The following PMM1 variants were observed in gnomAD, a reference collection of about 807,000 sequenced individuals.
PMM1 encodes phosphomannomutase 1, also known as brain glucose-1,6-bisphosphatase.
Under a neutral mutation model 34.0 loss-of-function variants are expected in PMM1, and 25 were observed. The ratio of observed to expected loss-of-function variants is 0.73; its 90% CI spans 0.54 to 1.03. The LOEUF is 1.03. PMM1 is among the 50% of genes least tolerant of loss of function. The pLI is 0.00. For synonymous variants in PMM1, 134 were observed against 143.9 expected (o/e 0.93, Z 0.49); for missense variants, 321 against 350.1 (o/e 0.92, Z 0.66).
chr22:41,581,711 C>T (rs58495840), intron 5 of PMM1, among the ~76,000 whole-genome samples: 2,455 of 151,998 alleles, frequency 0.016, 67 homozygotes, highest in African/African-American at 0.055. Context: ...AATATTAGGC[C>T]GGGCACAGTG....
In PMM1 at chr22:41,577,331, G is replaced by A. The variant is rs1228389297; in HGVS notation, c.776C>T (p.Ala259Val). 6.2e-7 allele frequency: 1 copy of A among 1,613,040 alleles called. No individual in the cohort carries two copies. Among genetic ancestry groups the A allele is most frequent in the South Asian group, 1.1e-5 (1 of 91,088 alleles). The change falls in exon 8 of 8, where the codon GCT becomes GTT. Residue 259 changes from alanine to valine, a missense_variant. Coordinates refer to ENST00000216259, the MANE Select transcript of PMM1 (RefSeq NM_002676.3). ...RCREIFFPET[A>V]HEA ...TGTGGGCCCCGGTCACGCCTCATGA[G>A]CTGTCTCTGGGAAGAAAATCTCCCG...
At chr22:41,588,975 A>T (rs1226991644) in intron 1 of PMM1, 28 of 1,120,700 alleles carry the variant, frequency 2.5e-5, no homozygotes, top group Non-Finnish European at 2.7e-5. Flanking sequence ...TCACAATGAG[A>T]CCCAATGGGA....
In PMM1 at chr22:41,584,532, T is replaced by C; in HGVS notation, c.277A>G (p.Lys93Glu). ...AAGCCCTGGGGGACACTGACCTGCT[T>C]GGAGAGCAGTCGTCCGTGCTTATAC... Reference protein sequence around the residue: ...VQYKHGRLLSKQTIQNHLGEE... With the variant: ...VQYKHGRLLSEQTIQNHLGEE... Residue 93 changes from lysine to glutamate, a missense_variant, in exon 3 of 8, where the codon AAG becomes GAG. By Grantham distance (56) the Lys-to-Glu change is moderately conservative (BLOSUM62 1). Transcript: ENST00000216259. 2 of 1,613,196 alleles carry C rather than the reference T, an allele frequency of 1.2e-6. No homozygotes were observed. The highest frequency in any genetic ancestry group is 1.7e-4 in the Middle Eastern group (1 of 6,048).
chr22:41,584,567 C>G lies in PMM1; in HGVS notation c.242G>C (p.Gly81Ala). The G allele has an allele frequency of 6.2e-7, 1 of 1,613,980 alleles. No homozygotes were observed. Among genetic ancestry groups the G allele is most frequent in the Non-Finnish European group, 8.5e-7 (1 of 1,179,964 alleles). The stretch of plus-strand genomic sequence containing the variant: ...TCGTCCGTGCTTATACTGCACCGTC[C>G]CGTTCTCGGCAAACACATAATCAAA... ...EKFDYVFAEN[G>A]TVQYKHGRLL... The change falls in exon 3 of 8, where the codon GGG becomes GCG. Residue 81 changes from glycine to alanine, a missense_variant. Transcript: ENST00000216259.
chr22:41,583,826 C>T (rs944332806), intron 5 of PMM1, 133 bp downstream of exon 5: 11 of 671,522 alleles, frequency 1.6e-5, no homozygotes, highest in Non-Finnish European at 2.7e-5. Context: ...CAATGGCACA[C>T]AGTAGGTGCC....
intron 1 of PMM1, among the ~76,000 whole-genome samples, chr22:41,588,170 C>T (rs1415288148): frequency 6.6e-6 from 1 of 152,210 alleles, no homozygotes; most frequent in Non-Finnish European, 1.5e-5. Flanking sequence ...CCTGCCTCTG[C>T]CTCCCCAGTA....
At position 41,582,969 on chromosome 22, in the gene PMM1, A is replaced by G. The variant is rs2067262925; in HGVS notation, c.474+990T>C. Among the ~76,000 whole-genome samples the G allele has an allele frequency of 2.6e-5, 4 of 152,168 alleles. No homozygotes were observed. In the South Asian group the frequency reaches 8.3e-4, roughly 32 times the overall value. ...CATCAAGGTTTAGCAGGGGCAGTAC[A>G]GGCAGAGGTGAGAGGACCTTGGTGT... On this transcript the variant is annotated intron_variant, in intron 5 of 7. Transcript: ENST00000216259.
intron 5 of PMM1, 190 bp from the exon 6 acceptor site, chr22:41,579,071 C>T: frequency 1.8e-6 from 1 of 569,632 alleles, no homozygotes; most frequent in Non-Finnish European, 3.2e-6. Context: ...GTGGCAGAGC[C>T]AGGGCCTAAA....
In PMM1 at chr22:41,589,837, G is replaced by C. The variant is rs1319876127; in HGVS notation, c.-32C>G. On this transcript the variant is annotated 5_prime_UTR_variant, in exon 1 of 8. Transcript: ENST00000216259. Reference sequence around the variant, plus strand: ...AGGTCCGCGCGCGGGGCGGAGTCCCGAAGATGCAACGGCAGAAGCAGCTCA... The same window carrying C: ...AGGTCCGCGCGCGGGGCGGAGTCCCCAAGATGCAACGGCAGAAGCAGCTCA... 1 of 1,525,070 alleles carries C rather than the reference G, an allele frequency of 6.6e-7. No individual in the cohort carries two copies. Among genetic ancestry groups the C allele is most frequent in the Non-Finnish European group, 8.9e-7 (1 of 1,123,102 alleles). 94.5% of individuals were successfully genotyped at this position (1,525,070 alleles called of 1,614,324 possible).
At chr22:41,580,509 C>A (rs1258180895) in intron 5 of PMM1, 1 of 152,164 alleles carries the variant, frequency 6.6e-6, no homozygotes, top group East Asian at 1.9e-4. Context: ...ACTGCTATTA[C>A]CCCCACCTTA....
chr22:41,577,344 A>G lies in PMM1; in HGVS notation c.763T>C (p.Phe255Leu). ...CACGCCTCATGAGCTGTCTCTGGGA[A>G]GAAAATCTCCCGGCATCGCTGCACC... ...DTVQRCREIF[F>L]PETAHEA The change falls in exon 8 of 8, where the codon TTC becomes CTC. Residue 255 changes from phenylalanine (F) to leucine (L), a missense_variant. Transcript: ENST00000216259. The G allele has an allele frequency of 6.2e-7, 1 of 1,613,094 alleles. No individual in the cohort carries two copies. Among genetic ancestry groups the G allele is most frequent in the Non-Finnish European group, 8.5e-7 (1 of 1,180,034 alleles).
At chr22:41,582,373 C>T (rs1349523392) in intron 5 of PMM1, among the ~76,000 whole-genome samples, 3 of 152,020 alleles carry the variant, frequency 2.0e-5, no homozygotes, top group Non-Finnish European at 2.9e-5. Flanking sequence ...GTGTGAGGAT[C>T]GCTTGAGCCT....
chr22:41,588,728 G>T, intron 1 of PMM1: 1 of 985,458 alleles, frequency 1.0e-6, no homozygotes, highest in African/African-American at 1.7e-5. Context: ...CCCAAGCCAG[G>T]GCAACTTCAC....
At chr22:41,578,695 G>C (rs1569052776) in intron 6 of PMM1, 111 bp downstream of exon 6, 2 of 831,834 alleles carry the variant, frequency 2.4e-6, no homozygotes, top group East Asian at 5.1e-5. Flanking sequence ...CCCTGAGCCG[G>C]GGAGGGGCTA....
intron 7 of PMM1, 154 bp from the exon 8 acceptor site, chr22:41,577,594 G>A (rs2067188484): frequency 4.3e-6 from 4 of 938,370 alleles, no homozygotes; most frequent in Non-Finnish European, 4.8e-6. Flanking sequence ...GCTGTGTGAT[G>A]TAGAACAAGT....
chr22:41,584,666 G>A (rs1208715473), intron 2 of PMM1, 63 bp from the exon 3 acceptor site: 37 of 1,232,980 alleles, frequency 3.0e-5, no homozygotes, highest in Non-Finnish European at 4.2e-5. Flanking sequence ...TGACCCCACG[G>A]GCAAGTAAAG....
At chr22:41,586,976 A>C (rs2067315558) in intron 1 of PMM1, among the ~76,000 whole-genome samples, 1 of 148,812 alleles carries the variant, frequency 6.7e-6, no homozygotes, top group Admixed American at 6.7e-5. Context: ...AAAAAAAAAA[A>C]AAAAAAATTG....
chr22:41,582,678 C>T (rs1404740087), intron 5 of PMM1, among the ~76,000 whole-genome samples: 1 of 151,756 alleles, frequency 6.6e-6, no homozygotes, highest in Non-Finnish European at 1.5e-5. Context: ...GTGATACTCT[C>T]GGAGGCCCCA....
At chr22:41,578,988 A>AC (rs2145610943) in intron 5 of PMM1, 107 bp from the exon 6 acceptor site, 1 of 914,954 alleles carries the variant, frequency 1.1e-6, no homozygotes, top group Non-Finnish European at 1.8e-6. Context: ...GGTGGGTAGG[A>AC]CCCCCAACTG....
Sources: allele counts gnomAD v4.1 joint callset (sites outside exome capture counted in the v4.1 genomes callset), GRCh38; gene constraint gnomAD v4.1.1; transcripts MANE v1.5; gene names NCBI Gene and HGNC (gene_info 2026-07-23, HGNC 2026-07-21).